The following CEP164 variants were observed in gnomAD, a reference collection of about 807,000 sequenced individuals.
CEP164 encodes centrosomal protein 164.
Under a neutral mutation model 182.7 loss-of-function variants are expected in CEP164, and 162 were observed. The observed-to-expected ratio is 0.89, with a 90% CI of 0.78 to 1.01. CEP164 has a LOEUF of 1.01. Ranked by LOEUF, CEP164 falls within the 50% of genes least tolerant of loss-of-function variation. The pLI is 0.00. For synonymous variants in CEP164, 661 were observed against 690.0 expected, an observed-to-expected ratio of 0.96 and a Z score of 0.66; for missense variants, 1,735 against 1,790.4, an observed-to-expected ratio of 0.97 and a Z score of 0.56.
Position 117,412,192 on chromosome 11 carries a change from A to G in CEP164, c.*24A>G. ...GAGGCCCTGAGCAGGGGCTTGGGGC[A>G]GCCCAGCCTCTCCTCCACCCAGACC... On this transcript the variant is annotated 3_prime_UTR_variant, in exon 33 of 33. Coordinates refer to ENST00000278935, the MANE Select transcript of CEP164 (RefSeq NM_014956.5). 2 of 1,601,088 alleles carry G rather than the reference A, an allele frequency of 1.2e-6. No individual in the cohort carries two copies. The highest frequency in any genetic ancestry group is 1.7e-6 in the Non-Finnish European group (2 of 1,169,870).
chr11:117,362,913 T>C (rs933982910), intron 7 of CEP164, among the ~76,000 whole-genome samples: 1 of 152,214 alleles, frequency 6.6e-6, no homozygotes, highest in African/African-American at 2.4e-5. Context: ...AATTATACAA[T>C]GTTTGTCCTT....
At chr11:117,323,905 T>C, upstream of CEP164, 1 of 395,216 alleles carries the variant, frequency 2.5e-6, no homozygotes, top group Non-Finnish European at 5.3e-6. Flanking sequence ...TTGAGAAATG[T>C]CTTTTAAGGC....
chr11:117,332,060 A>G lies in CEP164; in HGVS notation c.-97-3545A>G, dbSNP rs961676471. Among the ~76,000 whole-genome samples the G allele has an allele frequency of 2.4e-4, 37 of 151,570 alleles. No homozygotes were observed. The East Asian group carries it at 7.0e-3, about 29-fold the overall frequency. On this transcript the variant is annotated intron_variant, in intron 1 of 32. Transcript: ENST00000278935. ...GGCTGGTCTTGAGCTTCTAGGCTCA[A>G]GTGATCCTAGGCCTTGGTCCCCCAT... is the stretch of plus-strand genomic sequence containing the variant.
intron 31 of CEP164, 34 bp downstream of exon 31, chr11:117,410,928 G>A (rs150294491): frequency 4.4e-6 from 7 of 1,595,142 alleles, no homozygotes; most frequent in South Asian, 1.1e-5. Context: ...GGGGTGGAAC[G>A]TCATAGTCGA....
intron 19 of CEP164, 137 bp from the exon 20 acceptor site, chr11:117,392,867 C>T: frequency 7.3e-7 from 1 of 1,376,466 alleles, no homozygotes; most frequent in South Asian, 1.3e-5. Flanking sequence ...ACCATGGTGT[C>T]ATGGCTGTGT....
rs778620459 is a variant in CEP164 at position 117,395,672 on chromosome 11, C to G, written c.3039C>G (p.Ser1013=). The G allele has an allele frequency of 4.3e-6, 7 of 1,613,388 alleles. No individual in the cohort carries two copies. Among genetic ancestry groups the G allele is most frequent in the Middle Eastern group, 1.8e-4 (1 of 5,608 alleles). The change falls in exon 24 of 33, where the codon TCC becomes TCG. Residue 1013 remains serine, a synonymous_variant. Transcript: ENST00000278935. ...ELQARKLKLE[S]QVDLLQAQSQ... is the part of the protein sequence containing the mutation. ...AGGCCCGCAAGCTGAAGCTGGAGTC[C>G]CAAGTGGATCTGCTGCAGGCTCAGA...
chr11:117,330,983 G>A (rs2036114179), intron 1 of CEP164, among the ~76,000 whole-genome samples: 1 of 152,202 alleles, frequency 6.6e-6, no homozygotes, highest in Non-Finnish European at 1.5e-5. Context: ...CATTACCACT[G>A]CGTAATCAAC....
In CEP164 at chr11:117,394,862, G is replaced by A; in HGVS notation, c.2761-58G>A. ...ATGGTGGGTTCTGGAACCCCCTCCT[G>A]CCCCTCAGCTAATGCCTTACACTCT... On this transcript the variant is annotated intron_variant, in intron 21 of 32. Transcript: ENST00000278935. The surrounding 1 kb of genome is among the most constrained non-coding windows in gnomAD (Gnocchi z 4.0). 2 of 1,547,316 alleles carry A rather than the reference G, an allele frequency of 1.3e-6. No individual in the cohort carries two copies. The highest frequency in any genetic ancestry group is 2.3e-5 in the East Asian group (1 of 44,436).
intron 8 of CEP164, among the ~76,000 whole-genome samples, chr11:117,366,964 A>C (rs2041702580): frequency 6.6e-6 from 1 of 152,222 alleles, no homozygotes; most frequent in Admixed American, 6.5e-5. Context: ...AAAGCAGCAG[A>C]AATGTGCCTT....
chr11:117,363,502 A>C lies in CEP164; in HGVS notation c.761A>C (p.Tyr254Ser), dbSNP rs141163158. 2 of 1,612,170 alleles carry C rather than the reference A, an allele frequency of 1.2e-6. No individual in the cohort carries two copies. The highest frequency in any genetic ancestry group is 1.3e-5 in the African/African-American group (1 of 74,878). The change falls in exon 8 of 33, where the codon TAT becomes TCT. Residue 254 changes from tyrosine to serine, a missense_variant. Coordinates refer to ENST00000278935, the MANE Select transcript of CEP164 (RefSeq NM_014956.5). ...DIGALGGDFE[Y>S]EESLRTSQPE... ...GGGGCACTGGGGGGTGACTTTGAGT[A>C]TGAGGTAAGAGCCCTAATCCCTACA...
At chr11:117,407,854 C>T in intron 27 of CEP164, 71 bp from the exon 28 acceptor site, 1 of 1,116,694 alleles carries the variant, frequency 9.0e-7, no homozygotes. Flanking sequence ...ACCCAGTCAG[C>T]AAATGGCAGG....
upstream of CEP164, among the ~76,000 whole-genome samples, chr11:117,324,816 A>G (rs1004554143): frequency 2.0e-5 from 3 of 152,214 alleles, no homozygotes; most frequent in Non-Finnish European, 4.4e-5. Context: ...AGCCTGGCCA[A>G]CATGGTGAAA....
rs2043320531 is a variant in CEP164 at position 117,381,598 on chromosome 11, C to G, written c.1410-103C>G. The G allele has an allele frequency of 1.6e-5, 21 of 1,336,704 alleles. No individual in the cohort carries two copies. In the South Asian group the frequency reaches 3.1e-4, roughly 20 times the overall value. The allele number at this position is 1,336,704 out of a possible 1,614,324, so 82.8% of individuals were successfully genotyped here. ...GTGGGGGTGGGGCTGGAGCATAACCCAGGAGGAGGCAATGACCTAGGTCCA... is the reference window on the plus strand; with the variant it reads ...GTGGGGGTGGGGCTGGAGCATAACCGAGGAGGAGGCAATGACCTAGGTCCA... On this transcript the variant is annotated intron_variant, in intron 12 of 32. Coordinates refer to ENST00000278935, the MANE Select transcript of CEP164 (RefSeq NM_014956.5).
At chr11:117,328,466 A>G (rs1202698264) in intron 1 of CEP164, among the ~76,000 whole-genome samples, 2 of 152,108 alleles carry the variant, frequency 1.3e-5, no homozygotes. Flanking sequence ...TACCTCTGGC[A>G]CCGCTCTCCT....
intron 12 of CEP164, 80 bp from the exon 13 acceptor site, chr11:117,381,621 C>T: frequency 6.8e-7 from 1 of 1,478,732 alleles, no homozygotes; most frequent in Non-Finnish European, 9.1e-7. Context: ...TGACCTAGGT[C>T]CACACACTGT....
intron 11 of CEP164, among the ~76,000 whole-genome samples, chr11:117,376,123 A>G (rs1453447100): frequency 6.6e-6 from 1 of 152,038 alleles, no homozygotes; most frequent in East Asian, 1.9e-4. Context: ...TCCTCTTTAC[A>G]TGCCCAGCCC....
chr11:117,410,918 G>T (rs370042790), intron 31 of CEP164, 24 bp downstream of exon 31: 2 of 1,606,286 alleles, frequency 1.2e-6, no homozygotes, highest in Non-Finnish European at 1.7e-6. Flanking sequence ...GGGGCTGGTT[G>T]GGGTGGAACG....
At chr11:117,371,494 G>T in intron 9 of CEP164, 28 bp downstream of exon 9, 1 of 1,582,000 alleles carries the variant, frequency 6.3e-7, no homozygotes, top group Non-Finnish European at 8.6e-7. Context: ...ATAGGCAGGG[G>T]TTGGCTGTAG....
In CEP164 at chr11:117,395,241, CT is replaced by C. The variant is rs758360241; in HGVS notation, c.2913+53del. The C allele has an allele frequency of 3.1e-6, 5 of 1,588,990 alleles. No homozygotes were observed. The South Asian group carries it at 3.3e-5, about 11-fold the overall frequency. The stretch of plus-strand genomic sequence containing the variant: ...CTCCTGTTCTTCCTCCATTTCCTGT[CT>C]TTCTTCTCCCTGTTCCCCACATTTT... On this transcript the variant is annotated intron_variant, in intron 23 of 32. Transcript: ENST00000278935.
Sources: gnomAD v4.1 joint callset for allele counts (sites outside exome capture counted in the v4.1 genomes callset) on GRCh38, gnomAD v4.1.1 for gene constraint, Gnocchi (gnomAD v3.1) non-coding constraint, MANE v1.5 for transcripts, NCBI Gene and HGNC (gene_info 2026-07-23, HGNC 2026-07-21) for gene names.